Variants in ASAH2 observed in about 807,000 individuals in gnomAD.
The protein encoded by ASAH2 is neutral ceramidase.
ASAH2 carries 58 observed loss-of-function variants against 82.9 expected under a neutral mutation model. That is an observed-to-expected ratio of 0.70 (90% CI 0.57 to 0.87). The LOEUF is 0.87. Among genes scored for constraint, ASAH2 ranks in the 40% least tolerant of loss-of-function variants. The pLI, the probability that ASAH2 is intolerant of heterozygous loss-of-function variation, is 0.00. For missense variants in ASAH2, 779 were observed against 834.0 expected (o/e 0.93, Z 0.81); for synonymous variants, 276 against 289.7 (o/e 0.95, Z 0.48).
chr10:50,228,290 A>C (rs1845940108), intron 7 of ASAH2, among the ~76,000 whole-genome samples: 1 of 152,172 alleles, frequency 6.6e-6, no homozygotes, highest in Non-Finnish European at 1.5e-5. Flanking sequence ...AGAGAACAAG[A>C]ATGGTTTGGT....
At chr10:50,195,043 A>G (rs1315171307) in intron 18 of ASAH2, among the ~76,000 whole-genome samples, 1 of 151,434 alleles carries the variant, frequency 6.6e-6, no homozygotes, top group African/African-American at 2.4e-5. Flanking sequence ...AAACAGACAC[A>G]TATTACATCA....
At chr10:50,220,492 T>C (rs1451848202) in intron 7 of ASAH2, among the ~76,000 whole-genome samples, 1 of 16,644 alleles carries the variant, frequency 6.0e-5, no homozygotes, top group African/African-American at 6.4e-5. Context: ...TAGATGGAGC[T>C]GGAGGCTCCA....
chr10:50,241,585 C>T (rs1489982542), intron 4 of ASAH2, among the ~76,000 whole-genome samples: 1 of 152,180 alleles, frequency 6.6e-6, no homozygotes, highest in African/African-American at 2.4e-5. Context: ...AAGACACTTG[C>T]ACACATATGT....
chr10:50,209,963 C>T (rs886321922), intron 12 of ASAH2, among the ~76,000 whole-genome samples: 2 of 152,190 alleles, frequency 1.3e-5, no homozygotes, highest in South Asian at 2.1e-4. Flanking sequence ...GCAGCCATTT[C>T]AGAAATAGTC....
At chr10:50,209,785 G>T (rs1240905610) in intron 12 of ASAH2, among the ~76,000 whole-genome samples, 8 of 152,072 alleles carry the variant, frequency 5.3e-5, no homozygotes, top group Non-Finnish European at 1.0e-4. Context: ...CACATGAAAA[G>T]GTGTTTGACA....
intron 4 of ASAH2, among the ~76,000 whole-genome samples, chr10:50,239,807 C>T (rs913285461): frequency 6.7e-6 from 1 of 148,708 alleles, no homozygotes; most frequent in African/African-American, 2.5e-5. Flanking sequence ...TATGTCTATT[C>T]ATCTCCAAAT....
At chr10:50,244,196 C>A (rs1488969681) in intron 3 of ASAH2, among the ~76,000 whole-genome samples, 1 of 152,180 alleles carries the variant, frequency 6.6e-6, no homozygotes. Flanking sequence ...TATTTGGGAA[C>A]AAGATGTTGT....
At chr10:50,215,404 GT>G (rs1471390302) in intron 8 of ASAH2, among the ~76,000 whole-genome samples, 7 of 148,708 alleles carry the variant, frequency 4.7e-5, no homozygotes, top group Admixed American at 4.1e-4. Flanking sequence ...ATTTGCCTAG[GT>G]TTTCTTCTAG....
chr10:50,249,798 G>T (rs933395505), intron 1 of ASAH2, among the ~76,000 whole-genome samples: 10 of 152,256 alleles, frequency 6.6e-5, no homozygotes, highest in African/African-American at 2.4e-4. Context: ...GTTAAAGGAT[G>T]ATTGGAATCA....
At chr10:50,213,540 G>A (rs1395174766) in intron 9 of ASAH2, among the ~76,000 whole-genome samples, 2 of 152,060 alleles carry the variant, frequency 1.3e-5, no homozygotes, top group Non-Finnish European at 2.9e-5. Flanking sequence ...AGAAAAAATT[G>A]AGATTGATCA....
intron 8 of ASAH2, among the ~76,000 whole-genome samples, chr10:50,216,649 C>G (rs1845609299): frequency 7.3e-6 from 1 of 137,084 alleles, no homozygotes; most frequent in Non-Finnish European, 1.6e-5. Flanking sequence ...CATCCACAAT[C>G]TGGACTTGCC....
intron 4 of ASAH2, among the ~76,000 whole-genome samples, chr10:50,242,449 C>T (rs944751555): frequency 6.6e-6 from 1 of 152,208 alleles, no homozygotes; most frequent in African/African-American, 2.4e-5. Context: ...CTGGTCAATG[C>T]TCCAGCCGCT....
intron 5 of ASAH2, 93 bp from the exon 6 acceptor site, chr10:50,234,645 A>C: frequency 6.4e-7 from 1 of 1,566,566 alleles, no homozygotes; most frequent in East Asian, 2.2e-5. Flanking sequence ...CCTGTGAACA[A>C]TTTCCTTTGT....
chr10:50,241,197 A>G (rs1204070448), intron 4 of ASAH2, among the ~76,000 whole-genome samples: 1 of 152,216 alleles, frequency 6.6e-6, no homozygotes, highest in Non-Finnish European at 1.5e-5. Context: ...CTTGATTGCC[A>G]TAGAACCTAA....
chr10:50,200,397 G>A (rs768981493), intron 16 of ASAH2, among the ~76,000 whole-genome samples: 1 of 148,294 alleles, frequency 6.7e-6, no homozygotes, highest in Admixed American at 7.0e-5. Context: ...GCTACTCAAC[G>A]AATTGTGGTC....
At chr10:50,243,375 G>A (rs1846359581) in intron 3 of ASAH2, 24 bp from the exon 4 acceptor site, 1 of 1,612,696 alleles carries the variant, frequency 6.2e-7, no homozygotes, top group Non-Finnish European at 8.5e-7. Context: ...GACAATCAGA[G>A]CTGCTCTGTC....
At chr10:50,215,027 T>C (rs1162958474) in intron 8 of ASAH2, among the ~76,000 whole-genome samples, 159 bp from the exon 9 acceptor site, 1 of 152,246 alleles carries the variant, frequency 6.6e-6, no homozygotes, top group African/African-American at 2.4e-5. Flanking sequence ...GCCTGTTCAC[T>C]CTGATGATAG....
At chr10:50,210,577 C>T (rs1358420240) in intron 12 of ASAH2, among the ~76,000 whole-genome samples, 1 of 151,930 alleles carries the variant, frequency 6.6e-6, no homozygotes, top group Non-Finnish European at 1.5e-5. Flanking sequence ...ACAAAAAATG[C>T]CACATATTAT....
At chr10:50,242,731 G>C (rs1846336163) in intron 4 of ASAH2, among the ~76,000 whole-genome samples, 1 of 152,008 alleles carries the variant, frequency 6.6e-6, no homozygotes, top group Admixed American at 6.6e-5. Context: ...ATCCCTATGT[G>C]CCTATTACCC....
Sources: gnomAD v4.1 joint callset for allele counts (sites outside exome capture counted in the v4.1 genomes callset) on GRCh38, gnomAD v4.1.1 for gene constraint, MANE v1.5 for transcripts, NCBI Gene and HGNC (gene_info 2026-07-23, HGNC 2026-07-21) for gene names.